The following ZNF385D variants were observed in gnomAD, a reference collection of about 807,000 sequenced individuals.
ZNF385D encodes the protein zinc finger protein 659.
Under a neutral mutation model 35.8 loss-of-function variants are expected in ZNF385D, and 15 were observed. The ratio of observed to expected loss-of-function variants is 0.42; its 90% CI spans 0.28 to 0.64. The LOEUF is 0.64. ZNF385D is among the 30% of genes least tolerant of loss of function. The probability of loss-of-function intolerance (pLI) is 0.23; values close to 1 mark genes in which losing one functional copy is unlikely to be tolerated. For synonymous variants in ZNF385D, 212 were observed against 186.8 expected (o/e 1.13, Z -1.10); for missense variants, 474 against 494.6 (o/e 0.96, Z 0.39).
chr3:21,725,515 C>T (rs1346504028), intron 1 of ZNF385D, among the ~76,000 whole-genome samples: 1 of 152,048 alleles, frequency 6.6e-6, no homozygotes, highest in Non-Finnish European at 1.5e-5. Context: ...CAACTGATCC[C>T]AAAGAAATAC....
At chr3:21,788,284 G>A (rs1400992101) in intron 3 of ZNF385D, among the ~76,000 whole-genome samples, 1 of 152,218 alleles carries the variant, frequency 6.6e-6, no homozygotes, top group African/African-American at 2.4e-5. Context: ...TTGGAGACCA[G>A]CCTGGCCAAT....
At chr3:21,778,052 A>G (rs900665438) in intron 3 of ZNF385D, among the ~76,000 whole-genome samples, 1 of 151,930 alleles carries the variant, frequency 6.6e-6, no homozygotes, top group Non-Finnish European at 1.5e-5. Context: ...AATGAGTTCT[A>G]GGGTGGTTTG....
chr3:21,449,426 C>A (rs1299746292), intron 4 of ZNF385D, among the ~76,000 whole-genome samples: 1 of 152,062 alleles, frequency 6.6e-6, no homozygotes, highest in Admixed American at 6.6e-5. Context: ...AATAGAAGTT[C>A]TAATATTTCA....
At chr3:21,587,022 G>A (rs1235899443) in intron 2 of ZNF385D, among the ~76,000 whole-genome samples, 4 of 152,094 alleles carry the variant, frequency 2.6e-5, no homozygotes, top group Non-Finnish European at 5.9e-5. Context: ...AAACACCCAT[G>A]TAAACGTATG....
chr3:21,807,002 G>A (rs531497632), intron 3 of ZNF385D, among the ~76,000 whole-genome samples: 21 of 152,250 alleles, frequency 1.4e-4, no homozygotes, highest in South Asian at 1.0e-3. Context: ...TTATTTTTCT[G>A]ATTTGAATCC....
intron 3 of ZNF385D, among the ~76,000 whole-genome samples, chr3:22,084,540 T>C (rs1043591755): frequency 6.6e-6 from 1 of 152,104 alleles, no homozygotes; most frequent in Non-Finnish European, 1.5e-5. Context: ...ATCCTAAATA[T>C]ATATGCACCC....
At chr3:21,644,136 G>A in intron 2 of ZNF385D, among the ~76,000 whole-genome samples, 1 of 152,034 alleles carries the variant, frequency 6.6e-6, no homozygotes, top group East Asian at 1.9e-4. Flanking sequence ...TTTACTACAG[G>A]CTAATTTATA....
chr3:22,335,926 G>A (rs1239034666), intron 2 of ZNF385D, among the ~76,000 whole-genome samples: 1 of 152,038 alleles, frequency 6.6e-6, no homozygotes, highest in Non-Finnish European at 1.5e-5. Context: ...ATAGCTTTAG[G>A]AGAATTTATA....
At chr3:22,163,627 C>A (rs1188619102) in intron 3 of ZNF385D, among the ~76,000 whole-genome samples, 3 of 152,162 alleles carry the variant, frequency 2.0e-5, no homozygotes, top group Non-Finnish European at 4.4e-5. Context: ...ACCTGTTAGG[C>A]AATCCTTAAA....
intron 3 of ZNF385D, among the ~76,000 whole-genome samples, chr3:22,118,149 G>A (rs1040841279): frequency 5.3e-5 from 8 of 151,972 alleles, no homozygotes; most frequent in African/African-American, 1.4e-4. Flanking sequence ...TAAATGAAGC[G>A]TACTTTACTT....
chr3:21,717,382 A>G (rs1199455893), intron 1 of ZNF385D, among the ~76,000 whole-genome samples: 1 of 152,184 alleles, frequency 6.6e-6, no homozygotes, highest in African/African-American at 2.4e-5. Flanking sequence ...AGTATTTGGA[A>G]CGCACATGGG....
At chr3:22,124,460 G>A (rs1304985520) in intron 3 of ZNF385D, among the ~76,000 whole-genome samples, 2 of 142,618 alleles carry the variant, frequency 1.4e-5, no homozygotes, top group Non-Finnish European at 1.5e-5. Context: ...TGGTATTGCT[G>A]GATCACACAG....
At chr3:21,918,742 C>A (rs1297216358) in intron 3 of ZNF385D, among the ~76,000 whole-genome samples, 1 of 152,032 alleles carries the variant, frequency 6.6e-6, no homozygotes, top group Non-Finnish European at 1.5e-5. Context: ...TGGTGTTTGT[C>A]TTTTTATTGG....
intron 3 of ZNF385D, among the ~76,000 whole-genome samples, chr3:21,521,441 A>G (rs1707898521): frequency 6.6e-6 from 1 of 152,196 alleles, no homozygotes; most frequent in East Asian, 1.9e-4. Flanking sequence ...AAGTCAGACT[A>G]AAAAATTAAG....
At chr3:21,464,743 A>AACACACAAACACACAC (rs1553589980) in intron 4 of ZNF385D, among the ~76,000 whole-genome samples, 5 of 150,198 alleles carry the variant, frequency 3.3e-5, no homozygotes, top group African/African-American at 9.9e-5. Flanking sequence ...AATAAATTAA[A>AACACACAAACACACAC]ACACACACAC....
At chr3:22,214,777 A>G (rs1192513773) in intron 2 of ZNF385D, among the ~76,000 whole-genome samples, 2 of 152,078 alleles carry the variant, frequency 1.3e-5, no homozygotes, top group Admixed American at 6.6e-5. Flanking sequence ...GATGTTATCA[A>G]TGACAATGCA....
At chr3:21,524,470 T>C (rs192834989) in intron 3 of ZNF385D, among the ~76,000 whole-genome samples, 1 of 152,206 alleles carries the variant, frequency 6.6e-6, no homozygotes, top group Non-Finnish European at 1.5e-5. Context: ...AAAAAGTCTT[T>C]AAGTCTTTTC....
chr3:21,621,997 C>T (rs926972986), intron 2 of ZNF385D, among the ~76,000 whole-genome samples: 28 of 151,762 alleles, frequency 1.8e-4, no homozygotes, highest in African/African-American at 6.3e-4. Context: ...GCTTTTATTT[C>T]CTTAGCGAGG....
intron 2 of ZNF385D, among the ~76,000 whole-genome samples, chr3:21,590,703 C>T (rs576394783): frequency 2.0e-5 from 3 of 151,884 alleles, no homozygotes; most frequent in East Asian, 1.9e-4. Flanking sequence ...GGGAGATGAG[C>T]GGAGGATGTA....
Sources: gnomAD v4.1 joint callset for allele counts (sites outside exome capture counted in the v4.1 genomes callset) on GRCh38, gnomAD v4.1.1 for gene constraint, MANE v1.5 for transcripts, NCBI Gene and HGNC (gene_info 2026-07-23, HGNC 2026-07-21) for gene names.